The following PRR12 variants were observed in gnomAD, a reference collection of about 807,000 sequenced individuals.
The protein encoded by PRR12 is proline rich 12, also known as proline-rich protein 12.
A neutral mutation model predicts 138.0 loss-of-function variants in PRR12; 12 were observed. The observed-to-expected ratio is 0.09, with a 90% CI of 0.06 to 0.14. PRR12 has a LOEUF of 0.14. PRR12 is among the 10% of genes least tolerant of loss of function. The pLI, the probability that PRR12 is intolerant of heterozygous loss-of-function variation, is 1.00. For missense variants in PRR12, 2,692 were observed against 2,861.3 expected, an observed-to-expected ratio of 0.94 and a Z score of 1.35; for synonymous variants, 1,567 against 1,291.7, an observed-to-expected ratio of 1.21 and a Z score of -4.57.
chr19:49,596,406 G>T lies in PRR12; in HGVS notation c.2071G>T (p.Ala691Ser), dbSNP rs772410126. Residue 691 changes from alanine to serine, a missense_variant, in exon 4 of 14, where the codon GCC (alanine) becomes TCC (serine). Ala to Ser is a moderately conservative substitution (Grantham distance 99). This residue lies in a region of PRR12 where 840 missense variants were observed against 689.8 expected (regional missense o/e 1.22). Coordinates refer to ENST00000418929, the MANE Select transcript of PRR12 (RefSeq NM_020719.3). This position sits in a 1 kb window ranked among gnomAD's most constrained non-coding sequence, Gnocchi z 5.6. ...ACCACCGGGTACACCCTACGAGTTG[G>T]CCAAGGAAGACCCCCAGAGGTACCA... ...GGPPGTPYEL[A>S]KEDPQRYHLQ... 2 of 1,607,486 alleles carry T rather than the reference G, an allele frequency of 1.2e-6. No homozygotes were observed. The highest frequency in any genetic ancestry group is 3.3e-5 in the Admixed American group (2 of 59,722).
Position 49,599,195 on chromosome 19 carries a change from A to AT in PRR12, c.3679-72dup. 1 of 1,408,010 alleles carries AT rather than the reference A, an allele frequency of 7.1e-7. No homozygotes were observed. The allele number at this position is 1,408,010 out of a possible 1,614,324, so 87.2% of individuals were successfully genotyped here. A position where few individuals can be genotyped will look rare whatever the true frequency, so the allele number is the denominator to read the frequency against. ...ACAGGCTGAGCACCTGTAAATTTGG[A>AT]TTTTTGGGGGCTGAGGGAGGATGGG... On this transcript the variant is annotated intron_variant, in intron 4 of 13. Coordinates refer to ENST00000418929, the MANE Select transcript of PRR12 (RefSeq NM_020719.3). The surrounding 1 kb of genome is among the most constrained non-coding windows in gnomAD (Gnocchi z 5.0).
intron 6 of PRR12, among the ~76,000 whole-genome samples, chr19:49,603,708 T>C (rs2122323190): frequency 6.6e-6 from 1 of 152,118 alleles, no homozygotes; most frequent in East Asian, 1.9e-4. Flanking sequence ...GAAAAAATAA[T>C]AATAATAATA....
At position 49,611,959 on chromosome 19, in the gene PRR12, A is replaced by G. The variant is rs1479077881; in HGVS notation, c.4774-2574A>G. Among the ~76,000 whole-genome samples, 100 of 99,964 alleles carry G rather than the reference A, an allele frequency of 1.0e-3. 1 individual carries two copies. The highest frequency in any genetic ancestry group is 3.5e-4 in the Admixed American group (3 of 8,606). The allele number at this position is 99,964 out of a possible 152,430, so 65.6% of individuals were successfully genotyped here. On this transcript the variant is annotated intron_variant, in intron 6 of 13. Coordinates refer to ENST00000418929, the MANE Select transcript of PRR12 (RefSeq NM_020719.3). ...AAAAAAAAAAAAAAACAGGCCGGGC[A>G]CAGTGGCTCACCCCTGTAATCCCAG...
In PRR12 at chr19:49,596,679, C is replaced by T. The variant is rs1307470752; in HGVS notation, c.2344C>T (p.Leu782Phe). The change falls in exon 4 of 14, where the codon CTT becomes TTT. Residue 782 changes from leucine (L) to phenylalanine (F), a missense_variant. Coordinates refer to ENST00000418929, the MANE Select transcript of PRR12 (RefSeq NM_020719.3). This position sits in a 1 kb window ranked among gnomAD's most constrained non-coding sequence, Gnocchi z 5.6. ...TACCCAGCCCACTCCCCATGGCCTC[C>T]TTCTGGAGGCCGGGGGCCCTGACCT... The part of the protein sequence containing the change: ...QSTQPTPHGL[L>F]LEAGGPDLPL... 5 of 1,604,380 alleles carry T rather than the reference C, an allele frequency of 3.1e-6. No homozygotes were observed. The highest frequency in any genetic ancestry group is 1.7e-5 in the Admixed American group (1 of 59,634).
rs1015284391 is a variant in PRR12 at position 49,616,776 on chromosome 19, A to G, written c.5497+557A>G. 6.6e-6 allele frequency among the ~76,000 whole-genome samples: 1 copy of G among 152,084 alleles called. No homozygotes were observed. The highest frequency in any genetic ancestry group is 1.5e-5 in the Non-Finnish European group (1 of 68,016). On this transcript the variant is annotated intron_variant, in intron 9 of 13. Transcript: ENST00000418929. This position sits in a 1 kb window ranked among gnomAD's most constrained non-coding sequence, Gnocchi z 4.2. ...ATAGGAGAGTGCCAATCTTTAGTAG[A>G]CACTACCTGTCTACTCCATGTCTGC...
At position 49,616,043 on chromosome 19, in the gene PRR12, G is replaced by T; in HGVS notation, c.5321G>T (p.Gly1774Val). 1.3e-6 allele frequency: 2 copies of T among 1,559,280 alleles called. No homozygotes were observed. Among genetic ancestry groups the T allele is most frequent in the East Asian group, 4.8e-5 (2 of 41,256 alleles). Residue 1774 changes from glycine to valine, a missense_variant, in exon 9 of 14, where the codon GGA becomes GTA. Coordinates refer to ENST00000418929, the MANE Select transcript of PRR12 (RefSeq NM_020719.3). This position sits in a 1 kb window ranked among gnomAD's most constrained non-coding sequence, Gnocchi z 4.2. ...CGGCCAGAGCGGAGTCTCGCCACGG[G>T]ACAACCTGCCACATCCCGGCTGCCC... ...QTRPERSLAT[G>V]QPATSRLPKA...
intron 5 of PRR12, among the ~76,000 whole-genome samples, chr19:49,601,070 G>A (rs1396223721): frequency 2.0e-5 from 3 of 152,224 alleles, no homozygotes; most frequent in East Asian, 3.9e-4. Flanking sequence ...TGGCAGACAG[G>A]GGAGAGGTTA....
intron 6 of PRR12, among the ~76,000 whole-genome samples, chr19:49,609,979 CTT>C (rs926692542): frequency 1.4e-5 from 2 of 146,154 alleles, no homozygotes; most frequent in Admixed American, 6.8e-5. Flanking sequence ...CTTTTTCTTT[CTT>C]TTTTTTTTTT....
At chr19:49,611,635 A>AC (rs1568428606) in intron 6 of PRR12, among the ~76,000 whole-genome samples, 53 of 150,686 alleles carry the variant, frequency 3.5e-4, no homozygotes, top group African/African-American at 1.3e-3. Context: ...ATCTAAAAAA[A>AC]AAAAAAGGCC....
At position 49,594,707 on chromosome 19, in the gene PRR12, G is replaced by A. The variant is rs1455060090; in HGVS notation, c.372G>A (p.Thr124=). The A allele has an allele frequency of 6.2e-6, 10 of 1,612,320 alleles. No homozygotes were observed. The highest frequency in any genetic ancestry group is 8.5e-6 in the Non-Finnish European group (10 of 1,179,712). ...CTTCCTCATCTCCAGCCATGCACAC[G>A]CCAGGCCCCACGGAGCTCTTCATCT... ...RSPSWQTAMH[T]PGPTELFISG... Residue 124 remains threonine, a synonymous_variant, in exon 4 of 14, where the codon ACG becomes ACA. Transcript: ENST00000418929. The surrounding 1 kb of genome is among the most constrained non-coding windows in gnomAD (Gnocchi z 5.6).
Position 49,597,683 on chromosome 19 carries a change from C to T in PRR12, c.3348C>T (p.Leu1116=). 6.2e-7 allele frequency: 1 copy of T among 1,606,242 alleles called. No homozygotes were observed. Among genetic ancestry groups the T allele is most frequent in the Non-Finnish European group, 8.5e-7 (1 of 1,177,552 alleles). ...DKADVPADIR[L]NPRRLPDLVS... ...CCGATGTTCCCGCCGACATCCGCCTCAACCCCCGGCGCTTGCCTGACCTGG... is the reference window on the plus strand; with the variant it reads ...CCGATGTTCCCGCCGACATCCGCCTTAACCCCCGGCGCTTGCCTGACCTGG... The change falls in exon 4 of 14, where the codon CTC becomes CTT. Residue 1116 remains leucine, a synonymous_variant. Coordinates refer to ENST00000418929, the MANE Select transcript of PRR12 (RefSeq NM_020719.3). The surrounding 1 kb of genome is among the most constrained non-coding windows in gnomAD (Gnocchi z 6.3).
chr19:49,602,709 ACC>A (rs2080818926), intron 6 of PRR12, among the ~76,000 whole-genome samples: 2 of 151,972 alleles, frequency 1.3e-5, no homozygotes, highest in Admixed American at 1.3e-4. Flanking sequence ...AGGCCACCAC[ACC>A]CGGCTGATTT....
intron 8 of PRR12, among the ~76,000 whole-genome samples, chr19:49,615,441 A>T (rs1263905512): frequency 7.0e-6 from 1 of 143,564 alleles, no homozygotes; most frequent in Non-Finnish European, 1.5e-5. Flanking sequence ...ACCCAGAAAG[A>T]GGGGGATAGA....
At position 49,619,557 on chromosome 19, in the gene PRR12, T is replaced by C. The variant is rs1463865572; in HGVS notation, c.5498-795T>C. Reference sequence around the variant, plus strand: ...GCCCTTTTTTTTTTTTTTTTTTTTTTTGAGACGGAGTTTCGCTCTTGTTGT... The same window carrying C: ...GCCCTTTTTTTTTTTTTTTTTTTTTCTGAGACGGAGTTTCGCTCTTGTTGT... On this transcript the variant is annotated intron_variant, in intron 9 of 13. Transcript: ENST00000418929. Among the ~76,000 whole-genome samples the C allele has an allele frequency of 1.2e-4, 16 of 136,378 alleles. No individual in the cohort carries two copies. The East Asian group carries it at 3.3e-3, about 28-fold the overall frequency. The allele number at this position is 136,378 out of a possible 152,430, so 89.5% of individuals were successfully genotyped here. A position where few individuals can be genotyped will look rare whatever the true frequency, so the allele number is the denominator to read the frequency against.
At chr19:49,601,981 C>T in intron 6 of PRR12, 63 bp downstream of exon 6, 1 of 1,554,536 alleles carries the variant, frequency 6.4e-7, no homozygotes, top group East Asian at 2.4e-5. Flanking sequence ...TGTTGAGTGC[C>T]CGCTGGATGA....
rs369819056 is a variant in PRR12 at position 49,604,540 on chromosome 19, T to G, written c.4773+2622T>G. ...TAAAAATACAACAATTAGCCGGGCA[T>G]GGTGGCAGGCGCCTGTAGTCCCAGC... is the stretch of plus-strand genomic sequence containing the variant. On this transcript the variant is annotated intron_variant, in intron 6 of 13. Coordinates refer to ENST00000418929, the MANE Select transcript of PRR12 (RefSeq NM_020719.3). Among the ~76,000 whole-genome samples the G allele has an allele frequency of 2.6e-5, 4 of 151,964 alleles. No individual in the cohort carries two copies. The East Asian group carries it at 7.8e-4, about 30-fold the overall frequency.
At chr19:49,619,884 A>AGT (rs1230121935) in intron 9 of PRR12, among the ~76,000 whole-genome samples, 1 of 98,964 alleles carries the variant, frequency 1.0e-5, no homozygotes, top group Non-Finnish European at 1.8e-5. Flanking sequence ...TTTGGAGACG[A>AGT]GTTTCACTCT....
At chr19:49,622,144 C>G (rs1174633965) in intron 11 of PRR12, among the ~76,000 whole-genome samples, 1 of 152,078 alleles carries the variant, frequency 6.6e-6, no homozygotes, top group Non-Finnish European at 1.5e-5. Context: ...CTTCTGGAAT[C>G]GAATGTTATT....
intron 6 of PRR12, among the ~76,000 whole-genome samples, chr19:49,613,069 G>C (rs2080874672): frequency 6.6e-6 from 1 of 151,806 alleles, no homozygotes; most frequent in Non-Finnish European, 1.5e-5. Flanking sequence ...AAGCGCGGTG[G>C]CTCATGCCTA....
Sources: allele counts gnomAD v4.1 joint callset (sites outside exome capture counted in the v4.1 genomes callset), GRCh38; gene constraint gnomAD v4.1.1; regional missense constraint gnomAD v4.1.1; non-coding constraint Gnocchi (gnomAD v3.1); transcripts MANE v1.5; gene names NCBI Gene and HGNC (gene_info 2026-07-23, HGNC 2026-07-21).